The following AGTPBP1 variants were observed in gnomAD, a reference collection of about 807,000 sequenced individuals.
AGTPBP1 encodes ATP/GTP binding carboxypeptidase 1.
A neutral mutation model predicts 143.9 loss-of-function variants in AGTPBP1; 70 were observed. The observed-to-expected ratio is 0.49, with a 90% CI of 0.40 to 0.59. AGTPBP1 has a LOEUF of 0.59. AGTPBP1 is among the 20% of genes least tolerant of loss of function. The pLI, the probability that AGTPBP1 is intolerant of heterozygous loss-of-function variation, is 0.00. For synonymous variants in AGTPBP1, 463 were observed against 500.2 expected, an observed-to-expected ratio of 0.93 and a Z score of 0.99; for missense variants, 1,229 against 1,464.5, an observed-to-expected ratio of 0.84 and a Z score of 2.62.
chr9:85,703,783 A>T (rs1437769798), intron 2 of AGTPBP1, among the ~76,000 whole-genome samples: 4 of 152,226 alleles, frequency 2.6e-5, no homozygotes, highest in Non-Finnish European at 5.9e-5. Flanking sequence ...AGATTGTCCA[A>T]GGACACTGTA....
chr9:85,553,279 T>C (rs770264083), intron 25 of AGTPBP1, among the ~76,000 whole-genome samples: 4 of 152,230 alleles, frequency 2.6e-5, no homozygotes, highest in African/African-American at 9.6e-5. Context: ...AAAAGTACAA[T>C]ACAGTCCCTG....
intron 23 of AGTPBP1, among the ~76,000 whole-genome samples, chr9:85,583,002 G>A (rs1434003095): frequency 6.6e-6 from 1 of 152,002 alleles, no homozygotes; most frequent in African/African-American, 2.4e-5. Context: ...CCATCACAAG[G>A]GCTCTCATAA....
chr9:85,672,447 C>T (rs1834545577), intron 7 of AGTPBP1, 103 bp downstream of exon 7: 8 of 1,316,096 alleles, frequency 6.1e-6, no homozygotes, highest in Non-Finnish European at 8.3e-6. Context: ...TCTTCTCTTT[C>T]CTTTTTCACA....
At chr9:85,650,257 T>C (rs1392105556) in intron 11 of AGTPBP1, among the ~76,000 whole-genome samples, 2 of 152,128 alleles carry the variant, frequency 1.3e-5, no homozygotes, top group African/African-American at 2.4e-5. Context: ...ACAGTGACCC[T>C]TGAAAAATGT....
Position 85,579,073 on chromosome 9 carries a change from A to G in AGTPBP1, c.3189T>C (p.His1063=), listed in dbSNP as rs775488704. 12 of 1,606,748 alleles carry G rather than the reference A, an allele frequency of 7.5e-6. No individual in the cohort carries two copies. Among genetic ancestry groups the G allele is most frequent in the Non-Finnish European group, 1.0e-5 (12 of 1,177,942 alleles). The change falls in exon 24 of 26, where the codon CAT becomes CAC. Residue 1063 remains histidine (H), a synonymous_variant. Transcript: ENST00000357081. ...TGCTCATGCAAAATGCTGGGGCGAT[A>G]TGGCTCAGTATCTTAGGCAATGTCT... ...GYRTLPKILS[H]IAPAFCMSSC... is the part of the protein sequence containing the mutation.
chr9:85,766,076 G>A, the AGTPBP1 span, among the ~76,000 whole-genome samples: 6 of 150,298 alleles, frequency 4.0e-5, no homozygotes, highest in Non-Finnish European at 8.9e-5. Flanking sequence ...AATATTTAAG[G>A]AATTCTGCCT....
chr9:85,643,226 C>T (rs1832608350), intron 12 of AGTPBP1, among the ~76,000 whole-genome samples: 1 of 151,956 alleles, frequency 6.6e-6, no homozygotes, highest in African/African-American at 2.4e-5. Flanking sequence ...GATCAAGACT[C>T]CATTATGAAA....
At chr9:85,663,356 T>C (rs984516431) in intron 8 of AGTPBP1, among the ~76,000 whole-genome samples, 1 of 151,964 alleles carries the variant, frequency 6.6e-6, no homozygotes, top group Admixed American at 6.6e-5. Flanking sequence ...ACTCATGGGG[T>C]AGAGTGCTCG....
chr9:85,694,911 A>C (rs747011078), intron 2 of AGTPBP1, among the ~76,000 whole-genome samples: 1 of 152,228 alleles, frequency 6.6e-6, no homozygotes. Flanking sequence ...TTGAAGGTTC[A>C]ACATAAATAT....
chr9:85,767,180 C>CTTT, the AGTPBP1 span, among the ~76,000 whole-genome samples: 240 of 116,444 alleles, frequency 2.1e-3, 5 homozygotes, highest in African/African-American at 3.7e-3. Context: ...TGAGAACATA[C>CTTT]TTTTTTTTTT....
At chr9:85,798,582 G>A in the AGTPBP1 span, among the ~76,000 whole-genome samples, 2 of 151,940 alleles carry the variant, frequency 1.3e-5, no homozygotes, top group African/African-American at 4.8e-5. Context: ...TGGCCAGGCT[G>A]GTCTCGAACT....
At chr9:85,678,295 G>A (rs780936264) in intron 5 of AGTPBP1, 40 bp downstream of exon 5, 68 of 1,424,516 alleles carry the variant, frequency 4.8e-5, no homozygotes, top group Non-Finnish European at 6.5e-5. Context: ...GTTGATCACT[G>A]TTTAGAAACA....
intron 21 of AGTPBP1, among the ~76,000 whole-genome samples, chr9:85,588,029 T>C (rs932137343): frequency 6.6e-6 from 1 of 152,134 alleles, no homozygotes; most frequent in African/African-American, 2.4e-5. Flanking sequence ...TCTAAAACAA[T>C]TCAAGCATTT....
intron 25 of AGTPBP1, among the ~76,000 whole-genome samples, chr9:85,572,021 T>G (rs1247492643): frequency 2.9e-5 from 2 of 69,018 alleles, no homozygotes; most frequent in African/African-American, 1.2e-4. Context: ...TTTTTTTTTT[T>G]TTTTTTTTTT....
chr9:85,757,301 G>A, the AGTPBP1 span, among the ~76,000 whole-genome samples: 1 of 152,052 alleles, frequency 6.6e-6, no homozygotes, highest in African/African-American at 2.4e-5. Flanking sequence ...TTCTGACCTT[G>A]TGATCCGCCT....
chr9:85,592,442 A>G, intron 19 of AGTPBP1, 118 bp downstream of exon 19: 1 of 669,398 alleles, frequency 1.5e-6, no homozygotes, highest in Non-Finnish European at 2.3e-6. Flanking sequence ...TTATGTTAGA[A>G]TATTTAACTA....
At chr9:85,727,074 A>C (rs1838542831) in intron 1 of AGTPBP1, among the ~76,000 whole-genome samples, 1 of 152,218 alleles carries the variant, frequency 6.6e-6, no homozygotes, top group Non-Finnish European at 1.5e-5. Context: ...TCACGCCTGT[A>C]ATCCTAGCAC....
At chr9:85,702,288 A>C (rs1443292479) in intron 2 of AGTPBP1, among the ~76,000 whole-genome samples, 1 of 152,206 alleles carries the variant, frequency 6.6e-6, no homozygotes, top group Non-Finnish European at 1.5e-5. Flanking sequence ...TGTCAGTCTT[A>C]CACATCTAAC....
Position 85,698,839 on chromosome 9 carries a change from C to T in AGTPBP1, c.33-6026G>A, listed in dbSNP as rs369030587. Among the ~76,000 whole-genome samples, 80 of 151,806 alleles carry T rather than the reference C, an allele frequency of 5.3e-4. No individual in the cohort carries two copies. In the South Asian group the frequency reaches 0.016, roughly 30 times the overall value. ...TCCCGAGTAGCTGGGACTACAGGCG[C>T]CTGCAACCACGCCCAGCTCATTTTT... is the stretch of plus-strand genomic sequence containing the variant. On this transcript the variant is annotated intron_variant, in intron 2 of 25. Transcript: ENST00000357081.
Sources: gnomAD v4.1 joint callset for allele counts (sites outside exome capture counted in the v4.1 genomes callset) on GRCh38, gnomAD v4.1.1 for gene constraint, MANE v1.5 for transcripts, NCBI Gene and HGNC (gene_info 2026-07-23, HGNC 2026-07-21) for gene names.